The following TAOK3 variants were observed in gnomAD, a reference collection of about 807,000 sequenced individuals.
The protein encoded by TAOK3 is TAO kinase 3.
In TAOK3, 40 loss-of-function variants were observed where a neutral mutation model predicts 120.4. The ratio of observed to expected loss-of-function variants is 0.33; its 90% CI spans 0.26 to 0.43. The LOEUF (loss-of-function observed/expected upper bound fraction) is 0.43, where lower values mean the gene tolerates loss of function less well. Among genes scored for constraint, TAOK3 ranks in the 20% least tolerant of loss-of-function variants. The probability of loss-of-function intolerance (pLI) is 1.00; values close to 1 mark genes in which losing one functional copy is unlikely to be tolerated. For synonymous variants in TAOK3, 355 were observed against 387.5 expected, an observed-to-expected ratio of 0.92 and a Z score of 0.99; for missense variants, 821 against 1,112.1, an observed-to-expected ratio of 0.74 and a Z score of 3.72.
rs568345662 is a variant in TAOK3 at position 118,313,436 on chromosome 12, T to G, written c.-193-46677A>C. Among the ~76,000 whole-genome samples the G allele has an allele frequency of 6.6e-5, 10 of 152,064 alleles. No individual in the cohort carries two copies. In the South Asian group the frequency reaches 2.1e-3, roughly 32 times the overall value. ...GGATTACAGGCATCTGCCACCACACTTGGCTAATTTTTGTATTTTTAGTAG... is the reference window on the plus strand; with the variant it reads ...GGATTACAGGCATCTGCCACCACACGTGGCTAATTTTTGTATTTTTAGTAG... On this transcript the variant is annotated intron_variant, in intron 1 of 20. Transcript: ENST00000392533.
At chr12:118,216,928 CAAAAAA>C (rs11298822) in intron 9 of TAOK3, among the ~76,000 whole-genome samples, 1 of 89,934 alleles carries the variant, frequency 1.1e-5, no homozygotes, top group African/African-American at 4.3e-5. Flanking sequence ...GACTCCATCT[CAAAAAA>C]AAAAAAAAAA....
intron 1 of TAOK3, among the ~76,000 whole-genome samples, chr12:118,309,382 T>G (rs907436559): frequency 2.7e-5 from 4 of 149,134 alleles, no homozygotes; most frequent in African/African-American, 9.9e-5. Context: ...AAAAACCAAA[T>G]TATGGACATC....
chr12:118,370,251 G>A (rs770075506), intron 1 of TAOK3, among the ~76,000 whole-genome samples: 11 of 152,172 alleles, frequency 7.2e-5, no homozygotes, highest in Non-Finnish European at 1.2e-4. Context: ...ATCAGGTAAT[G>A]TCAAATAAAA....
intron 1 of TAOK3, among the ~76,000 whole-genome samples, chr12:118,368,203 T>A (rs1018812040): frequency 3.9e-5 from 6 of 152,158 alleles, no homozygotes; most frequent in Non-Finnish European, 8.8e-5. Flanking sequence ...TTGGTTATTA[T>A]TATTATTTTT....
intron 14 of TAOK3, among the ~76,000 whole-genome samples, chr12:118,186,373 C>G (rs921381137): frequency 2.0e-5 from 3 of 152,150 alleles, no homozygotes; most frequent in African/African-American, 7.2e-5. Context: ...ATACACTGCT[C>G]TTTATATTAA....
chr12:118,270,669 CTTTTTTTTT>C (rs761296706), intron 1 of TAOK3, among the ~76,000 whole-genome samples: 2 of 125,964 alleles, frequency 1.6e-5, no homozygotes, highest in African/African-American at 6.3e-5. Context: ...CTAAATGTCA[CTTTTTTTTT>C]TTTTTTTTTT....
chr12:118,337,611 C>T (rs547344344), intron 1 of TAOK3, among the ~76,000 whole-genome samples: 24 of 152,194 alleles, frequency 1.6e-4, no homozygotes, highest in Admixed American at 3.9e-4. Flanking sequence ...TGACACACAA[C>T]TCAGTTAAAT....
At chr12:118,257,007 G>A (rs1483345205) in intron 2 of TAOK3, among the ~76,000 whole-genome samples, 5 of 152,142 alleles carry the variant, frequency 3.3e-5, no homozygotes, top group Non-Finnish European at 2.9e-5. Flanking sequence ...GCGCCAGGCA[G>A]CACTAAAACC....
At chr12:118,220,685 A>C (rs1383247324) in intron 9 of TAOK3, among the ~76,000 whole-genome samples, 1 of 152,136 alleles carries the variant, frequency 6.6e-6, no homozygotes, top group Non-Finnish European at 1.5e-5. Flanking sequence ...ACTCAGTTCA[A>C]TAAAAGGCAG....
intron 1 of TAOK3, among the ~76,000 whole-genome samples, chr12:118,340,551 C>T (rs187771537): frequency 5.3e-4 from 81 of 151,940 alleles, no homozygotes; most frequent in Non-Finnish European, 9.6e-4. Context: ...TTTTTATAAA[C>T]CTCATAGATG....
In TAOK3 at chr12:118,324,734, C is replaced by CTTT. The variant is rs35462737; in HGVS notation, c.-194+47911_-194+47913dup. ...TTGTTGCAAAGGACAGAATTTCATT[C>CTTT]TTTTTTTTTTTTTTTTTTTTTTTTT... On this transcript the variant is annotated intron_variant, in intron 1 of 20. Coordinates refer to ENST00000392533, the MANE Select transcript of TAOK3 (RefSeq NM_016281.4). Among the ~76,000 whole-genome samples, 42 of 69,584 alleles carry CTTT rather than the reference C, an allele frequency of 6.0e-4. 1 individual carries two copies. Among genetic ancestry groups the CTTT allele is most frequent in the Non-Finnish European group, 9.3e-4 (34 of 36,726 alleles). 45.6% of individuals were successfully genotyped at this position (69,584 alleles called of 152,430 possible).
At chr12:118,274,243 T>C (rs2041829177) in intron 1 of TAOK3, among the ~76,000 whole-genome samples, 1 of 152,206 alleles carries the variant, frequency 6.6e-6, no homozygotes, top group African/African-American at 2.4e-5. Flanking sequence ...TACTTTCACG[T>C]TGAAAATGAA....
chr12:118,309,885 A>G (rs2043201910), intron 1 of TAOK3, among the ~76,000 whole-genome samples: 1 of 152,074 alleles, frequency 6.6e-6, no homozygotes, highest in Admixed American at 6.6e-5. Flanking sequence ...TTATTATTGT[A>G]GCTCAAAAAC....
chr12:118,150,956 CTTTTTTTTTT>C lies in TAOK3; in HGVS notation c.*31_*40del. On this transcript the variant is annotated 3_prime_UTR_variant, in exon 21 of 21. Coordinates refer to ENST00000392533, the MANE Select transcript of TAOK3 (RefSeq NM_016281.4). The stretch of plus-strand genomic sequence containing the variant: ...CAGGGTCTGAATTTTTTTCTGTTTT[CTTTTTTTTTT>C]TTTTTTTTGTAAATGGCAAAAAATT... 3 of 1,255,372 alleles carry C rather than the reference CTTTTTTTTTT, an allele frequency of 2.4e-6. No homozygotes were observed. The highest frequency in any genetic ancestry group is 3.2e-6 in the Non-Finnish European group (3 of 943,808). 77.8% of individuals were successfully genotyped at this position (1,255,372 alleles called of 1,614,324 possible).
Position 118,368,785 on chromosome 12 carries a change from G to T in TAOK3, c.-194+3863C>A, listed in dbSNP as rs576515079. On this transcript the variant is annotated intron_variant, in intron 1 of 20. Coordinates refer to ENST00000392533, the MANE Select transcript of TAOK3 (RefSeq NM_016281.4). ...CGTGCCCCTGCACTCCAGCCTGGGC[G>T]ACAGAGCGAGACTCTGTCTCAAACA... 1.1e-3 allele frequency among the ~76,000 whole-genome samples: 167 copies of T among 148,150 alleles called. 1 individual carries two copies. The highest frequency in any genetic ancestry group is 3.9e-3 in the African/African-American group (158 of 40,644).
At chr12:118,169,024 T>A (rs1014512626) in intron 17 of TAOK3, among the ~76,000 whole-genome samples, 29 of 151,226 alleles carry the variant, frequency 1.9e-4, no homozygotes, top group African/African-American at 6.6e-4. Context: ...TTTCTTTCTA[T>A]TTTTTTGAGA....
chr12:118,155,287 C>T (rs948049743), intron 19 of TAOK3, among the ~76,000 whole-genome samples: 3 of 152,294 alleles, frequency 2.0e-5, no homozygotes, highest in Admixed American at 1.3e-4. Flanking sequence ...TGAGCCGCTT[C>T]GCCCAGCCAT....
intron 1 of TAOK3, among the ~76,000 whole-genome samples, chr12:118,271,775 A>G (rs1260299437): frequency 6.6e-6 from 1 of 152,240 alleles, no homozygotes; most frequent in East Asian, 1.9e-4. Flanking sequence ...GTTCCATTTC[A>G]ATCTTATAAT....
chr12:118,328,521 G>A (rs1053508513), intron 1 of TAOK3, among the ~76,000 whole-genome samples: 2 of 152,052 alleles, frequency 1.3e-5, no homozygotes, highest in Admixed American at 6.6e-5. Context: ...CTTACATGGC[G>A]ATGGAGAACA....
Sources: allele counts gnomAD v4.1 joint callset (sites outside exome capture counted in the v4.1 genomes callset), GRCh38; gene constraint gnomAD v4.1.1; transcripts MANE v1.5; gene names NCBI Gene and HGNC (gene_info 2026-07-23, HGNC 2026-07-21).